EIF4G3: variants seen among roughly 807,000 people sequenced by gnomAD.
The protein encoded by EIF4G3 is eukaryotic translation initiation factor 4 gamma 3, also known as eIF-4-gamma 3.
Under a neutral mutation model 186.4 loss-of-function variants are expected in EIF4G3, and 34 were observed. The ratio of observed to expected loss-of-function variants is 0.18; its 90% CI spans 0.14 to 0.24. The LOEUF is 0.24. Ranked by LOEUF, EIF4G3 falls within the 10% of genes least tolerant of loss-of-function variation. The pLI is 1.00. For missense variants in EIF4G3, 1,536 were observed against 1,948.5 expected, an observed-to-expected ratio of 0.79 and a Z score of 3.99; for synonymous variants, 673 against 679.5, an observed-to-expected ratio of 0.99 and a Z score of 0.15.
At chr1:20,884,112 T>C (rs957068876) in intron 19 of EIF4G3, among the ~76,000 whole-genome samples, 1 of 152,200 alleles carries the variant, frequency 6.6e-6, no homozygotes, top group African/African-American at 2.4e-5. Context: ...AGCAAGTCCA[T>C]ATTTAAAAGA....
chr1:20,977,331 C>T lies in EIF4G3; in HGVS notation c.493+3003G>A, dbSNP rs1214196745. 1.4e-4 allele frequency among the ~76,000 whole-genome samples: 21 copies of T among 151,980 alleles called. No homozygotes were observed. In the South Asian group the frequency reaches 3.5e-3, roughly 26 times the overall value. ...CCTCCCGAGTAGCTGGGATTACAGGCGCCCGCCACCACACCCTGCTAATTT... is the reference window on the plus strand; with the variant it reads ...CCTCCCGAGTAGCTGGGATTACAGGTGCCCGCCACCACACCCTGCTAATTT... On this transcript the variant is annotated intron_variant, in intron 10 of 36. Transcript: ENST00000602326.
chr1:20,939,289 A>G (rs899936216), intron 14 of EIF4G3, among the ~76,000 whole-genome samples: 4 of 152,272 alleles, frequency 2.6e-5, no homozygotes, highest in Middle Eastern at 6.8e-3. Flanking sequence ...ACCTCCCAAC[A>G]TCACAAACCT....
At chr1:21,049,859 C>T (rs2094113200) in intron 4 of EIF4G3, among the ~76,000 whole-genome samples, 1 of 151,912 alleles carries the variant, frequency 6.6e-6, no homozygotes, top group African/African-American at 2.4e-5. Context: ...CCACTGTACC[C>T]CAGCCTTGGC....
chr1:21,098,590 C>T (rs1204996131), intron 2 of EIF4G3, among the ~76,000 whole-genome samples: 1 of 133,048 alleles, frequency 7.5e-6, no homozygotes, highest in African/African-American at 2.8e-5. Context: ...AAGAAAGAAA[C>T]TAAACACTCA....
chr1:20,867,075 G>T (rs1350194596), intron 20 of EIF4G3, among the ~76,000 whole-genome samples: 1 of 152,174 alleles, frequency 6.6e-6, no homozygotes, highest in East Asian at 1.9e-4. Flanking sequence ...TTTTAGAAGA[G>T]CTGGGTTAAG....
intron 13 of EIF4G3, among the ~76,000 whole-genome samples, chr1:20,945,846 T>C (rs1045751150): frequency 6.6e-6 from 1 of 152,144 alleles, no homozygotes; most frequent in Non-Finnish European, 1.5e-5. Context: ...AGAACCCAAT[T>C]TGGTAACTTA....
chr1:21,074,981 G>C (rs1310866548), intron 3 of EIF4G3, among the ~76,000 whole-genome samples: 2 of 151,744 alleles, frequency 1.3e-5, no homozygotes, highest in East Asian at 3.9e-4. Flanking sequence ...TGAAAACATG[G>C]GAAAGTATAA....
At chr1:20,873,751 G>A (rs2079930207) in intron 20 of EIF4G3, among the ~76,000 whole-genome samples, 1 of 146,698 alleles carries the variant, frequency 6.8e-6, no homozygotes, top group African/African-American at 2.5e-5. Context: ...CGAGATACAG[G>A]TGCAGGATGT....
At chr1:21,003,249 AC>A (rs2084077044) in intron 4 of EIF4G3, among the ~76,000 whole-genome samples, 1 of 146,304 alleles carries the variant, frequency 6.8e-6, no homozygotes, top group Admixed American at 6.9e-5. Flanking sequence ...CTCAAGCAAT[AC>A]TCCTGCCTTG....
chr1:20,873,072 A>T (rs2079681413), intron 20 of EIF4G3, among the ~76,000 whole-genome samples: 3 of 152,158 alleles, frequency 2.0e-5, no homozygotes, highest in Admixed American at 2.0e-4. Flanking sequence ...TGCAACCTTT[A>T]ACACTATAGA....
intron 19 of EIF4G3, among the ~76,000 whole-genome samples, chr1:20,883,357 G>A (rs531329235): frequency 4.5e-4 from 68 of 152,252 alleles, no homozygotes; most frequent in Middle Eastern, 3.4e-3. Flanking sequence ...GGTGGCTCAC[G>A]CCTGTAATCC....
chr1:20,964,686 C>G (rs1244355338), intron 12 of EIF4G3, among the ~76,000 whole-genome samples: 1 of 152,154 alleles, frequency 6.6e-6, no homozygotes, highest in Non-Finnish European at 1.5e-5. Context: ...TTTTGAAACC[C>G]TTTCACATTT....
intron 2 of EIF4G3, among the ~76,000 whole-genome samples, chr1:21,127,847 T>C (rs2097077140): frequency 1.3e-5 from 2 of 152,164 alleles, no homozygotes; most frequent in African/African-American, 2.4e-5. Context: ...TTCACTCCAC[T>C]AGATCTGCCA....
chr1:21,090,473 G>A lies in EIF4G3; in HGVS notation c.-271-1260C>T, dbSNP rs1255222548. 3.3e-5 allele frequency among the ~76,000 whole-genome samples: 5 copies of A among 152,172 alleles called. No homozygotes were observed. The East Asian group carries it at 9.6e-4, about 29-fold the overall frequency. On this transcript the variant is annotated intron_variant, in intron 2 of 36. Transcript: ENST00000602326. The stretch of plus-strand genomic sequence containing the variant: ...GAATGTTTCCTACTTATGCAGAAAA[G>A]AGAGGACCAATACATTTTAAAGAAC...
chr1:21,123,068 T>C (rs2096955528), intron 2 of EIF4G3, among the ~76,000 whole-genome samples: 1 of 152,196 alleles, frequency 6.6e-6, no homozygotes. Context: ...TCCATTATCA[T>C]TGCCGTTCTT....
chr1:20,951,858 T>C (rs939241818), intron 12 of EIF4G3, among the ~76,000 whole-genome samples: 2 of 152,160 alleles, frequency 1.3e-5, no homozygotes, highest in African/African-American at 4.8e-5. Flanking sequence ...GATTTTTCCA[T>C]CTAAAATACC....
intron 7 of EIF4G3, among the ~76,000 whole-genome samples, chr1:20,995,897 G>C (rs1405393175): frequency 1.3e-5 from 2 of 152,140 alleles, no homozygotes; most frequent in African/African-American, 2.4e-5. Flanking sequence ...AAGGAGATCA[G>C]AAAACGTTTT....
At chr1:20,808,267 G>C (rs544837055) in intron 36 of EIF4G3, among the ~76,000 whole-genome samples, 2 of 152,150 alleles carry the variant, frequency 1.3e-5, no homozygotes, top group South Asian at 4.1e-4. Context: ...TTAAATACGA[G>C]TAGTTTTTTA....
intron 2 of EIF4G3, among the ~76,000 whole-genome samples, chr1:21,103,439 C>A (rs2096561667): frequency 6.6e-6 from 1 of 152,056 alleles, no homozygotes. Flanking sequence ...ATAAATAATG[C>A]CCTAGAGAAT....
Sources: gnomAD v4.1 joint callset for allele counts (sites outside exome capture counted in the v4.1 genomes callset) on GRCh38, gnomAD v4.1.1 for gene constraint, MANE v1.5 for transcripts, NCBI Gene and HGNC (gene_info 2026-07-23, HGNC 2026-07-21) for gene names.